SIPA1L2: variants seen among roughly 807,000 people sequenced by gnomAD.
The protein encoded by SIPA1L2 is signal-induced proliferation-associated 1-like protein 2.
A neutral mutation model predicts 163.9 loss-of-function variants in SIPA1L2; 56 were observed. The observed-to-expected ratio is 0.34, with a 90% CI of 0.28 to 0.43. SIPA1L2 has a LOEUF of 0.43. Ranked by LOEUF, SIPA1L2 falls within the 20% of genes least tolerant of loss-of-function variation. SIPA1L2 has a pLI of 1.00. For synonymous variants in SIPA1L2, 877 were observed against 865.7 expected (o/e 1.01, Z -0.23); for missense variants, 1,974 against 2,193.5 (o/e 0.90, Z 2.00).
chr1:232,597,523 C>CAAAAAA lies in SIPA1L2; in HGVS notation c.-318-23307_-318-23302dup, dbSNP rs66718972. On this transcript the variant is annotated intron_variant, in intron 1 of 22. Coordinates refer to ENST00000674635, the MANE Select transcript of SIPA1L2 (RefSeq NM_020808.5). ...AAACCCCGTCTCTACTAAAAAATAC[C>CAAAAAA]AAAAAAAAAAAAAAAAATTAGCCGG... Among the ~76,000 whole-genome samples the CAAAAAA allele has an allele frequency of 8.8e-4, 112 of 126,766 alleles. 1 individual carries two copies. Among genetic ancestry groups the CAAAAAA allele is most frequent in the African/African-American group, 3.1e-3 (106 of 34,022 alleles). The allele number at this position is 126,766 out of a possible 152,430, so 83.2% of individuals were successfully genotyped here.
intron 16 of SIPA1L2, among the ~76,000 whole-genome samples, chr1:232,429,742 C>G (rs748185751): frequency 6.6e-6 from 1 of 152,068 alleles, no homozygotes; most frequent in Non-Finnish European, 1.5e-5. Context: ...TGCACAAAAG[C>G]CACATAAGGA....
intron 1 of SIPA1L2, among the ~76,000 whole-genome samples, chr1:232,619,038 T>C (rs1662657330): frequency 6.6e-6 from 1 of 152,230 alleles, no homozygotes; most frequent in Non-Finnish European, 1.5e-5. Context: ...AAAATGCATC[T>C]CTGGAGTTGC....
At chr1:232,601,141 C>T (rs1220018528) in intron 1 of SIPA1L2, among the ~76,000 whole-genome samples, 1 of 152,172 alleles carries the variant, frequency 6.6e-6, no homozygotes, top group Non-Finnish European at 1.5e-5. Flanking sequence ...CACTCAGCCC[C>T]CAGGCTGGGC....
chr1:232,488,832 T>C (rs754730772), intron 5 of SIPA1L2, among the ~76,000 whole-genome samples: 17 of 152,076 alleles, frequency 1.1e-4, no homozygotes, highest in African/African-American at 1.7e-4. Flanking sequence ...CAGAAGACAA[T>C]AGGGGGCCAT....
chr1:232,604,460 C>A (rs1265721739), intron 1 of SIPA1L2, among the ~76,000 whole-genome samples: 1 of 152,184 alleles, frequency 6.6e-6, no homozygotes, highest in Non-Finnish European at 1.5e-5. Context: ...AGGCACTTGA[C>A]AAAGCACTTT....
chr1:232,517,919 C>T (rs1184033832), intron 2 of SIPA1L2, among the ~76,000 whole-genome samples: 1 of 152,050 alleles, frequency 6.6e-6, no homozygotes, highest in African/African-American at 2.4e-5. Context: ...TGGCGGTACA[C>T]ACCTGTAGTA....
Position 232,471,523 on chromosome 1 carries a change from C to T in SIPA1L2, c.2091G>A (p.Leu697=). ...PYMPNNRQQL[L]RKRHIGNDIV... is the part of the protein sequence containing the mutation. ...TGTCATTTCCTATGTGCCTTTTCCT[C>T]AGTAGCTGTGGTCAAGAAAGTGAAG... The change falls in exon 8 of 23, where the codon CTG becomes CTA. Residue 697 remains leucine (L), a synonymous_variant. Transcript: ENST00000674635. 2 of 1,610,244 alleles carry T rather than the reference C, an allele frequency of 1.2e-6. No homozygotes were observed. Among genetic ancestry groups the T allele is most frequent in the Non-Finnish European group, 1.7e-6 (2 of 1,178,694 alleles).
intron 2 of SIPA1L2, among the ~76,000 whole-genome samples, chr1:232,563,159 G>A (rs762511544): frequency 6.6e-6 from 1 of 152,176 alleles, no homozygotes; most frequent in African/African-American, 2.4e-5. Flanking sequence ...GTGGTGTAGT[G>A]CCTAAAAATA....
chr1:232,571,806 G>A (rs893342179), intron 2 of SIPA1L2, among the ~76,000 whole-genome samples: 6 of 152,120 alleles, frequency 3.9e-5, no homozygotes, highest in East Asian at 1.9e-4. Flanking sequence ...TGACATGCTG[G>A]CTTCCGCTTC....
Position 232,431,543 on chromosome 1 carries a change from C to T in SIPA1L2, c.4256+704G>A, listed in dbSNP as rs918230670. Among the ~76,000 whole-genome samples, 3 of 152,274 alleles carry T rather than the reference C, an allele frequency of 2.0e-5. No homozygotes were observed. The South Asian group carries it at 6.2e-4, about 32-fold the overall frequency. ...AGCACCACACGCCTGATGACGCTAT[C>T]GCAGGCAGGTACAGCAGAGCACACA... On this transcript the variant is annotated intron_variant, in intron 16 of 22. Coordinates refer to ENST00000674635, the MANE Select transcript of SIPA1L2 (RefSeq NM_020808.5).
rs534418902 is a variant in SIPA1L2 at position 232,540,616 on chromosome 1, C to T, written c.-269-25008G>A. Among the ~76,000 whole-genome samples, 26 of 151,208 alleles carry T rather than the reference C, an allele frequency of 1.7e-4. 1 individual carries two copies. Among genetic ancestry groups the T allele is most frequent in the South Asian group, 1.3e-3 (6 of 4,784 alleles). ...TTTCCATAAGTGTTAGAGGAGAGGA[C>T]GGCAGAAAGATAGAATGGAAGGAAA... On this transcript the variant is annotated intron_variant, in intron 2 of 22. Coordinates refer to ENST00000674635, the MANE Select transcript of SIPA1L2 (RefSeq NM_020808.5).
intron 16 of SIPA1L2, 53 bp from the exon 17 acceptor site, chr1:232,428,617 T>G: frequency 7.3e-7 from 1 of 1,369,202 alleles, no homozygotes; most frequent in Non-Finnish European, 9.6e-7. Flanking sequence ...GTGCCTGTAG[T>G]GGTAAGAATT....
chr1:232,426,055 T>C (rs569660403), intron 17 of SIPA1L2, among the ~76,000 whole-genome samples: 12 of 152,318 alleles, frequency 7.9e-5, no homozygotes, highest in Admixed American at 5.2e-4. Context: ...GAATTAGACA[T>C]GCACAGCTTT....
intron 2 of SIPA1L2, among the ~76,000 whole-genome samples, chr1:232,549,240 A>C (rs539264096): frequency 3.3e-5 from 5 of 152,276 alleles, no homozygotes; most frequent in African/African-American, 1.2e-4. Context: ...ACGACCTCCC[A>C]GCACCCTCCT....
Position 232,441,835 on chromosome 1 carries a change from G to A in SIPA1L2, c.3471C>T (p.Gly1157=). 1 of 1,613,590 alleles carries A rather than the reference G, an allele frequency of 6.2e-7. No individual in the cohort carries two copies. Among genetic ancestry groups the A allele is most frequent in the Non-Finnish European group, 8.5e-7 (1 of 1,179,836 alleles). Residue 1157 remains glycine (G), a synonymous_variant, in exon 13 of 23, where the codon GGC becomes GGT. Coordinates refer to ENST00000674635, the MANE Select transcript of SIPA1L2 (RefSeq NM_020808.5). ...CTCCGTCACATTCCAAAGGGCCTGAGCCCTGGTGTTCGAGCAGTAGAGGGG... is the reference window on the plus strand; with the variant it reads ...CTCCGTCACATTCCAAAGGGCCTGAACCCTGGTGTTCGAGCAGTAGAGGGG... ...CQSPLLLEHQ[G]SGPLECDGAR... is the part of the protein sequence containing the mutation.
chr1:232,579,706 T>C (rs1447175753), intron 1 of SIPA1L2, among the ~76,000 whole-genome samples: 1 of 152,222 alleles, frequency 6.6e-6, no homozygotes, highest in Non-Finnish European at 1.5e-5. Flanking sequence ...TCCATGCTAT[T>C]GCAGGAGCCA....
intron 1 of SIPA1L2, among the ~76,000 whole-genome samples, chr1:232,618,140 C>T (rs1201277442): frequency 1.3e-5 from 2 of 152,180 alleles, no homozygotes; most frequent in Non-Finnish European, 2.9e-5. Flanking sequence ...GGTGATTACA[C>T]TGAGATTTAC....
rs140522814 is a variant in SIPA1L2, at chr1:232,506,552, G to A, written c.1483+7305C>T. Among the ~76,000 whole-genome samples the A allele has an allele frequency of 4.6e-5, 7 of 152,270 alleles. No homozygotes were observed. In the East Asian group the frequency reaches 1.2e-3, roughly 25 times the overall value. On this transcript the variant is annotated intron_variant, in intron 3 of 22. Transcript: ENST00000674635. ...AAAGATAATTCCCCAGCCAAAAAAC[G>A]GTTAAATTGGTATCAAGAGAGGTAA... is the stretch of plus-strand genomic sequence containing the variant.
At chr1:232,497,203 C>T (rs190897947) in intron 3 of SIPA1L2, among the ~76,000 whole-genome samples, 16 of 152,260 alleles carry the variant, frequency 1.1e-4, no homozygotes, top group Admixed American at 5.2e-4. Context: ...CATGGGAGAA[C>T]GTTCTGAGGT....
Sources: allele counts gnomAD v4.1 joint callset (sites outside exome capture counted in the v4.1 genomes callset), GRCh38; gene constraint gnomAD v4.1.1; transcripts MANE v1.5; gene names NCBI Gene and HGNC (gene_info 2026-07-23, HGNC 2026-07-21).